Variants in COX10 observed in about 807,000 individuals in gnomAD.
COX10 encodes the protein protoheme IX farnesyltransferase, mitochondrial.
COX10 carries 27 observed loss-of-function variants against 37.3 expected under a neutral mutation model. That is an observed-to-expected ratio of 0.72 (90% CI 0.53 to 1.00). COX10 has a LOEUF of 1.00. Ranked by LOEUF, COX10 falls within the 50% of genes least tolerant of loss-of-function variation. The pLI, the probability that COX10 is intolerant of heterozygous loss-of-function variation, is 0.00. For synonymous variants in COX10, 222 were observed against 229.1 expected, an observed-to-expected ratio of 0.97 and a Z score of 0.28; for missense variants, 475 against 563.2, an observed-to-expected ratio of 0.84 and a Z score of 1.59.
At chr17:14,070,053 C>T (rs972752501) in intron 1 of COX10, among the ~76,000 whole-genome samples, 1 of 152,182 alleles carries the variant, frequency 6.6e-6, no homozygotes, top group African/African-American at 2.4e-5. Flanking sequence ...AAGCCTTGTT[C>T]CAATATAAAG....
intron 4 of COX10, among the ~76,000 whole-genome samples, chr17:14,155,293 G>C (rs1388447513): frequency 1.4e-5 from 2 of 147,684 alleles, no homozygotes; most frequent in East Asian, 4.1e-4. Context: ...AATTCAATTT[G>C]AGACACATTG....
intron 2 of COX10, 54 bp downstream of exon 2, chr17:14,074,510 A>G: frequency 1.4e-6 from 2 of 1,480,126 alleles, no homozygotes; most frequent in Non-Finnish European, 1.9e-6. Flanking sequence ...TTCTCTGTTG[A>G]GAGAATTTCA....
At chr17:14,174,456 CAAAAAA>C (rs61593222) in intron 5 of COX10, among the ~76,000 whole-genome samples, 2 of 66,172 alleles carry the variant, frequency 3.0e-5, no homozygotes, top group Non-Finnish European at 6.3e-5. Flanking sequence ...AAGACCCTGT[CAAAAAA>C]AAAAAAAAAA....
At chr17:14,188,213 GA>G (rs10648666) in intron 5 of COX10, among the ~76,000 whole-genome samples, 14,179 of 138,176 alleles carry the variant, frequency 0.1, 788 homozygotes, top group South Asian at 0.14. Context: ...GTCTCATAGG[GA>G]AAAAAAAAAA....
intron 1 of COX10, among the ~76,000 whole-genome samples, chr17:14,071,907 A>T (rs1317404454): frequency 2.0e-5 from 3 of 150,034 alleles, no homozygotes; most frequent in Admixed American, 6.6e-5. Flanking sequence ...CTCAAAAAAT[A>T]AAAAAAAAAT....
chr17:14,135,842 G>C lies in COX10; in HGVS notation c.625-24035G>C, dbSNP rs191367985. On this transcript the variant is annotated intron_variant, in intron 4 of 6. Coordinates refer to ENST00000261643, the MANE Select transcript of COX10 (RefSeq NM_001303.4). ...GGCCAGCAACTCAGGAAAAGTAAAGGCATTTGAGTAGCAAAGAAAAGAGCT... is the reference window on the plus strand; with the variant it reads ...GGCCAGCAACTCAGGAAAAGTAAAGCCATTTGAGTAGCAAAGAAAAGAGCT... 7.0e-4 allele frequency among the ~76,000 whole-genome samples: 106 copies of C among 151,968 alleles called. 1 individual carries two copies. The highest frequency in any genetic ancestry group is 2.5e-3 in the African/African-American group (102 of 41,508).
chr17:14,165,042 C>A (rs1045637760), intron 5 of COX10, among the ~76,000 whole-genome samples: 1 of 152,204 alleles, frequency 6.6e-6, no homozygotes, highest in South Asian at 2.1e-4. Flanking sequence ...CTACATGTCA[C>A]CCCGTACAGA....
intron 4 of COX10, among the ~76,000 whole-genome samples, chr17:14,121,304 G>C (rs115238709): frequency 0.012 from 1,851 of 152,256 alleles, 31 homozygotes; most frequent in African/African-American, 0.043. Flanking sequence ...GCAAGGAAAA[G>C]ATAATAATAA....
chr17:14,107,958 A>C (rs939052135), intron 4 of COX10, among the ~76,000 whole-genome samples: 3 of 150,808 alleles, frequency 2.0e-5, no homozygotes, highest in Non-Finnish European at 4.4e-5. Flanking sequence ...ATGTGGAAAA[A>C]CTCAGTGTTC....
chr17:14,149,142 C>T (rs1904818247), intron 4 of COX10, among the ~76,000 whole-genome samples: 1 of 151,352 alleles, frequency 6.6e-6, no homozygotes, highest in Admixed American at 6.6e-5. Flanking sequence ...AGATTTTTGT[C>T]ATGTGAGTAT....
At chr17:14,109,804 G>A (rs1050067421) in intron 4 of COX10, among the ~76,000 whole-genome samples, 1 of 152,134 alleles carries the variant, frequency 6.6e-6, no homozygotes, top group Non-Finnish European at 1.5e-5. Flanking sequence ...ATGTGGTGAT[G>A]TATCTACCTC....
At chr17:14,149,995 G>T (rs140390492) in intron 4 of COX10, among the ~76,000 whole-genome samples, 2 of 152,110 alleles carry the variant, frequency 1.3e-5, no homozygotes, top group African/African-American at 4.8e-5. Context: ...TTACGGCCGG[G>T]CACAGTGACT....
intron 4 of COX10, among the ~76,000 whole-genome samples, chr17:14,156,575 T>C (rs1041975938): frequency 7.9e-5 from 12 of 152,192 alleles, no homozygotes; most frequent in African/African-American, 1.4e-4. Flanking sequence ...GACTAGGCTC[T>C]TAATCAGTCT....
intron 3 of COX10, among the ~76,000 whole-genome samples, chr17:14,090,061 C>G (rs890622427): frequency 6.6e-6 from 1 of 151,918 alleles, no homozygotes; most frequent in African/African-American, 2.4e-5. Flanking sequence ...CGCTTGTCCC[C>G]TTCAGTGGGT....
intron 3 of COX10, among the ~76,000 whole-genome samples, chr17:14,099,014 A>G (rs1336887765): frequency 1.3e-5 from 2 of 152,020 alleles, no homozygotes; most frequent in African/African-American, 2.4e-5. Context: ...CAGCCATGCT[A>G]CCTTTCTCCT....
chr17:14,166,785 C>CTTTTTTTTTT (rs57127092), intron 5 of COX10, among the ~76,000 whole-genome samples: 1,018 of 100,226 alleles, frequency 0.01, no homozygotes, highest in East Asian at 0.013. Context: ...CTATTTCTTT[C>CTTTTTTTTTT]TTTTTTTTTT....
chr17:14,137,418 T>G (rs911272705), intron 4 of COX10, among the ~76,000 whole-genome samples: 7 of 151,858 alleles, frequency 4.6e-5, no homozygotes, highest in African/African-American at 1.4e-4. Flanking sequence ...TGAGAAACTA[T>G]TAGAATATAA....
intron 6 of COX10, among the ~76,000 whole-genome samples, chr17:14,195,476 C>T (rs1286937024): frequency 6.6e-6 from 1 of 152,138 alleles, no homozygotes; most frequent in Non-Finnish European, 1.5e-5. Context: ...CGCGCAAAGG[C>T]ACATGTACCT....
At chr17:14,078,869 C>T (rs1016709066) in intron 3 of COX10, among the ~76,000 whole-genome samples, 2 of 152,104 alleles carry the variant, frequency 1.3e-5, no homozygotes, top group Non-Finnish European at 2.9e-5. Flanking sequence ...TTCCCTTTCC[C>T]TGTCCCTCCA....
Sources: gnomAD v4.1 joint callset for allele counts (sites outside exome capture counted in the v4.1 genomes callset) on GRCh38, gnomAD v4.1.1 for gene constraint, MANE v1.5 for transcripts, NCBI Gene and HGNC (gene_info 2026-07-23, HGNC 2026-07-21) for gene names.